Variants in FAM53B observed in about 807,000 individuals in gnomAD.
FAM53B encodes family with sequence similarity 53 member B.
Under a neutral mutation model 32.7 loss-of-function variants are expected in FAM53B, and 12 were observed. The ratio of observed to expected loss-of-function variants is 0.37; its 90% CI spans 0.24 to 0.59. FAM53B has a LOEUF of 0.59. Among genes scored for constraint, FAM53B ranks in the 20% least tolerant of loss-of-function variants. The pLI is 0.72. For missense variants in FAM53B, 477 were observed against 577.7 expected (o/e 0.83, Z 1.79); for synonymous variants, 234 against 228.7 (o/e 1.02, Z -0.21).
Position 124,623,328 on chromosome 10 carries a change from C to T in FAM53B, c.1183G>A (p.Ala395Thr), listed in dbSNP as rs565939018. Residue 395 changes from alanine to threonine, a missense_variant, in exon 5 of 5, where the codon GCA becomes ACA. Physicochemically the swap from Ala to Thr is moderately conservative, Grantham distance 58. This residue lies in a region of FAM53B where 165 missense variants were observed against 157.5 expected (regional missense o/e 1.05). Coordinates refer to ENST00000337318, the MANE Select transcript of FAM53B (RefSeq NM_014661.4). Reference protein sequence around the residue: ...EDCGRRAEPAAAWRDRGAPGN... With the variant: ...EDCGRRAEPATAWRDRGAPGN... Reference sequence around the variant, plus strand: ...GGGGCCCCGCGGTCCCGCCAGGCTGCAGCCGGCTCCGCTCTCCTGCCACAA... The same window carrying T: ...GGGGCCCCGCGGTCCCGCCAGGCTGTAGCCGGCTCCGCTCTCCTGCCACAA... The T allele has an allele frequency of 5.0e-6, 8 of 1,612,444 alleles. No individual in the cohort carries two copies. In the East Asian group the frequency reaches 1.8e-4, roughly 36 times the overall value.
chr10:124,736,424 G>A (rs978710011), intron 1 of FAM53B, among the ~76,000 whole-genome samples: 1 of 152,210 alleles, frequency 6.6e-6, no homozygotes, highest in Non-Finnish European at 1.5e-5. Flanking sequence ...CTTTTCCCCC[G>A]GGCTCAGGAG....
intron 4 of FAM53B, among the ~76,000 whole-genome samples, chr10:124,624,378 C>T (rs896055314): frequency 2.0e-5 from 3 of 152,220 alleles, no homozygotes; most frequent in Non-Finnish European, 4.4e-5. Context: ...GGGAGTGGTC[C>T]TGTGCCCTCC....
chr10:124,636,784 G>A (rs934436942), intron 4 of FAM53B, among the ~76,000 whole-genome samples: 1 of 151,948 alleles, frequency 6.6e-6, no homozygotes, highest in Admixed American at 6.6e-5. Flanking sequence ...GGTGGCCGCA[G>A]GACACACAGA....
At chr10:124,634,551 C>T (rs1265795777) in intron 4 of FAM53B, among the ~76,000 whole-genome samples, 1 of 152,270 alleles carries the variant, frequency 6.6e-6, no homozygotes, top group Admixed American at 6.5e-5. Flanking sequence ...CAGCACTTCT[C>T]TCACCTGCCG....
intron 4 of FAM53B, among the ~76,000 whole-genome samples, chr10:124,633,792 A>T (rs1435768699): frequency 6.6e-6 from 1 of 152,248 alleles, no homozygotes; most frequent in Non-Finnish European, 1.5e-5. Flanking sequence ...AACTCAACAC[A>T]GACCAAAGAG....
rs114118936 is a variant in FAM53B, at chr10:124,681,260, G to A, written c.906+347C>T. The stretch of plus-strand genomic sequence containing the variant: ...GTGTATATCTCTTGCAGCAGCTGCA[G>A]GGGTGGCTTCCTGGGAGAGACGGCT... On this transcript the variant is annotated intron_variant, in intron 4 of 4. Coordinates refer to ENST00000337318, the MANE Select transcript of FAM53B (RefSeq NM_014661.4). 3.2e-3 allele frequency among the ~76,000 whole-genome samples: 493 copies of A among 152,276 alleles called. 7 individuals are homozygous for A. The highest frequency in any genetic ancestry group is 0.011 in the African/African-American group (465 of 41,550).
chr10:124,694,214 G>C (rs1332931088), intron 3 of FAM53B, among the ~76,000 whole-genome samples: 2 of 152,216 alleles, frequency 1.3e-5, no homozygotes, highest in African/African-American at 2.4e-5. Flanking sequence ...AGCCTGGGAC[G>C]GAGGCATTGG....
intron 2 of FAM53B, chr10:124,705,503 CTGGGCTTCCCA>C (rs1481033583): frequency 2.0e-5 from 3 of 152,350 alleles, no homozygotes; most frequent in Admixed American, 1.3e-4. Flanking sequence ...TCTACAAGCC[CTGGGCTTCCCA>C]TGGGCTTCAG....
At chr10:124,632,865 G>A (rs1274474840) in intron 4 of FAM53B, among the ~76,000 whole-genome samples, 4 of 152,216 alleles carry the variant, frequency 2.6e-5, no homozygotes, top group East Asian at 3.8e-4. Flanking sequence ...CCGGCAGGAC[G>A]GTGGGGTAGT....
At chr10:124,697,982 T>A (rs1024584472) in intron 2 of FAM53B, among the ~76,000 whole-genome samples, 2 of 152,172 alleles carry the variant, frequency 1.3e-5, no homozygotes, top group African/African-American at 4.8e-5. Context: ...AGTCATCCAA[T>A]GGCAAGTGGA....
At chr10:124,631,039 T>C (rs1949387453) in intron 4 of FAM53B, among the ~76,000 whole-genome samples, 1 of 152,178 alleles carries the variant, frequency 6.6e-6, no homozygotes, top group African/African-American at 2.4e-5. Flanking sequence ...AGGTATGCTG[T>C]GTGGCGGCCA....
At chr10:124,654,024 G>A (rs913187413) in intron 4 of FAM53B, among the ~76,000 whole-genome samples, 4 of 152,202 alleles carry the variant, frequency 2.6e-5, no homozygotes, top group East Asian at 1.9e-4. Context: ...TGCTGAGGAC[G>A]CAGGGAGGAG....
Position 124,648,470 on chromosome 10 carries a change from G to A in FAM53B, c.907-24866C>T, listed in dbSNP as rs2362516. Among the ~76,000 whole-genome samples the A allele has an allele frequency of 2.0e-5, 3 of 152,354 alleles. No individual in the cohort carries two copies. The East Asian group carries it at 5.8e-4, about 29-fold the overall frequency. ...CCATAACATCATCACACATCTCCCC[G>A]CTCCTTGGGAGCCTCCCCCATCTGT... On this transcript the variant is annotated intron_variant, in intron 4 of 4. Coordinates refer to ENST00000337318, the MANE Select transcript of FAM53B (RefSeq NM_014661.4).
At chr10:124,717,055 A>C (rs576279376) in intron 1 of FAM53B, among the ~76,000 whole-genome samples, 4 of 152,206 alleles carry the variant, frequency 2.6e-5, no homozygotes, top group Non-Finnish European at 5.9e-5. Flanking sequence ...AGATTTAAAA[A>C]CAAAAATGGA....
chr10:124,669,864 G>T (rs1418463881), intron 4 of FAM53B, among the ~76,000 whole-genome samples: 1 of 152,042 alleles, frequency 6.6e-6, no homozygotes, highest in Admixed American at 6.5e-5. Context: ...TCACAGGGTG[G>T]GTGAGGACCA....
chr10:124,713,432 A>G (rs184661425), intron 1 of FAM53B: 1 of 152,208 alleles, frequency 6.6e-6, no homozygotes, highest in South Asian at 2.1e-4. Flanking sequence ...TTTGTTCTAC[A>G]GTCTTCAATG....
intron 4 of FAM53B, among the ~76,000 whole-genome samples, chr10:124,670,859 G>A (rs890523621): frequency 1.3e-5 from 2 of 152,146 alleles, no homozygotes; most frequent in Non-Finnish European, 2.9e-5. Flanking sequence ...ATCAGAAAGG[G>A]CCCTGCCTGC....
intron 4 of FAM53B, among the ~76,000 whole-genome samples, chr10:124,644,505 C>T (rs570250922): frequency 1.2e-4 from 18 of 152,374 alleles, no homozygotes; most frequent in South Asian, 2.1e-4. Flanking sequence ...GGTGGCAACT[C>T]TGTTCTTTCA....
At chr10:124,659,924 AG>A (rs1949618301) in intron 4 of FAM53B, among the ~76,000 whole-genome samples, 1 of 152,230 alleles carries the variant, frequency 6.6e-6, no homozygotes, top group East Asian at 1.9e-4. Flanking sequence ...CTCCCGCCTC[AG>A]CCTCCCGAGT....
Sources: gnomAD v4.1 joint callset for allele counts (sites outside exome capture counted in the v4.1 genomes callset) on GRCh38, gnomAD v4.1.1 for gene constraint, gnomAD v4.1.1 regional missense constraint, MANE v1.5 for transcripts, NCBI Gene and HGNC (gene_info 2026-07-23, HGNC 2026-07-21) for gene names.